EPHB2: variants seen among roughly 807,000 people sequenced by gnomAD.
EPHB2 encodes the protein EPH receptor B2.
A neutral mutation model predicts 96.4 loss-of-function variants in EPHB2; 18 were observed. The observed-to-expected ratio is 0.19, with a 90% confidence interval of 0.13 to 0.28. The LOEUF (loss-of-function observed/expected upper bound fraction) is 0.28, where lower values mean the gene tolerates loss of function less well. EPHB2 is among the 10% of genes least tolerant of loss of function. The pLI, the probability that EPHB2 is intolerant of heterozygous loss-of-function variation, is 1.00. For missense variants in EPHB2, 989 were observed against 1,355.4 expected (o/e 0.73, Z 4.25); for synonymous variants, 506 against 534.1 (o/e 0.95, Z 0.72).
chr1:22,810,807 C>T (rs1324102759), intron 3 of EPHB2, among the ~76,000 whole-genome samples: 1 of 152,128 alleles, frequency 6.6e-6, no homozygotes, highest in African/African-American at 2.4e-5. Context: ...TCACCTGGTC[C>T]CTGTCATCCC....
At chr1:22,796,644 G>A (rs1414385354) in intron 3 of EPHB2, among the ~76,000 whole-genome samples, 1 of 152,238 alleles carries the variant, frequency 6.6e-6, no homozygotes, top group African/African-American at 2.4e-5. Context: ...GAAGTTAGAT[G>A]AAATGACTTG....
chr1:22,832,261 G>A (rs969136116), intron 3 of EPHB2, among the ~76,000 whole-genome samples: 1 of 152,170 alleles, frequency 6.6e-6, no homozygotes, highest in Non-Finnish European at 1.5e-5. Context: ...ACTTCTCTGA[G>A]CTGTGGGTTC....
chr1:22,843,267 T>C (rs1350803082), intron 3 of EPHB2, among the ~76,000 whole-genome samples: 1 of 152,190 alleles, frequency 6.6e-6, no homozygotes, highest in Non-Finnish European at 1.5e-5. Flanking sequence ...CAAGCAACTT[T>C]CCCAAGACCA....
At chr1:22,854,581 T>C (rs1645672779) in intron 3 of EPHB2, among the ~76,000 whole-genome samples, 1 of 152,198 alleles carries the variant, frequency 6.6e-6, no homozygotes, top group African/African-American at 2.4e-5. Flanking sequence ...CTCTATGTGA[T>C]TTGGACAGAG....
At position 22,906,080 on chromosome 1, in the gene EPHB2, G is replaced by A; in HGVS notation, c.1859G>A (p.Cys620Tyr). 1 of 1,614,208 alleles carries A rather than the reference G, an allele frequency of 6.2e-7. No individual in the cohort carries two copies. Among genetic ancestry groups the A allele is most frequent in the Non-Finnish European group, 8.5e-7 (1 of 1,180,048 alleles). Reference sequence around the variant, plus strand: ...TTTGCCAAGGAAATTGACATCTCCTGTGTCAAAATTGAGCAGGTGATCGGA... The same window carrying A: ...TTTGCCAAGGAAATTGACATCTCCTATGTCAAAATTGAGCAGGTGATCGGA... ...REFAKEIDIS[C>Y]VKIEQVIGAG... The change falls in exon 10 of 16, where the codon TGT becomes TAT. Residue 620 changes from cysteine to tyrosine, a missense_variant. Transcript: ENST00000374630. The surrounding 1 kb of genome is among the most constrained non-coding windows in gnomAD (Gnocchi z 4.8).
At chr1:22,746,055 G>A (rs928448577) in intron 1 of EPHB2, among the ~76,000 whole-genome samples, 16 of 152,190 alleles carry the variant, frequency 1.1e-4, no homozygotes, top group African/African-American at 3.1e-4. Context: ...TGCTCTGATC[G>A]AAATCTGGTA....
chr1:22,785,145 G>T, intron 3 of EPHB2, 69 bp downstream of exon 3: 1 of 1,582,696 alleles, frequency 6.3e-7, no homozygotes, highest in Non-Finnish European at 8.6e-7. Flanking sequence ...GACTCGGGCT[G>T]CAGACTTGGG....
chr1:22,912,810 T>G, intron 15 of EPHB2: 1 of 651,720 alleles, frequency 1.5e-6, no homozygotes. Flanking sequence ...GGTCAAATCA[T>G]AGCACCTCCC....
intron 3 of EPHB2, among the ~76,000 whole-genome samples, chr1:22,822,689 C>T (rs937217295): frequency 4.6e-5 from 7 of 152,226 alleles, no homozygotes; most frequent in Non-Finnish European, 8.8e-5. Context: ...CCAAAGGGAC[C>T]AGTCCTGGGT....
At chr1:22,801,566 C>G (rs1473112100) in intron 3 of EPHB2, among the ~76,000 whole-genome samples, 4 of 152,040 alleles carry the variant, frequency 2.6e-5, no homozygotes, top group Non-Finnish European at 4.4e-5. Flanking sequence ...AACGCTTCCT[C>G]CAGCAAGCAG....
intron 3 of EPHB2, among the ~76,000 whole-genome samples, chr1:22,797,984 C>T (rs986278835): frequency 1.3e-5 from 2 of 152,200 alleles, no homozygotes; most frequent in Non-Finnish European, 2.9e-5. Flanking sequence ...AGCCTGTCCC[C>T]TTCCCTAATC....
Position 22,747,542 on chromosome 1 carries a change from GA to G in EPHB2, c.62-33878del, listed in dbSNP as rs1021165146. ...AGCCCTTGCACAGCCACAGGCAAGGGAGGGGGGCTCTGAGATGACTCACCCA... is the reference window on the plus strand; with the variant it reads ...AGCCCTTGCACAGCCACAGGCAAGGGGGGGGGCTCTGAGATGACTCACCCA... On this transcript the variant is annotated intron_variant, in intron 1 of 15. Coordinates refer to ENST00000374630, the MANE Select transcript of EPHB2 (RefSeq NM_017449.5). Among the ~76,000 whole-genome samples the G allele has an allele frequency of 9.9e-4, 151 of 152,342 alleles. 1 individual carries two copies. Among genetic ancestry groups the G allele is most frequent in the African/African-American group, 3.4e-3 (140 of 41,582 alleles).
chr1:22,878,419 A>T, intron 5 of EPHB2, among the ~76,000 whole-genome samples: 1 of 152,190 alleles, frequency 6.6e-6, no homozygotes, highest in East Asian at 1.9e-4. Flanking sequence ...GAAAAACAGT[A>T]TGCTTCCTCC....
intron 1 of EPHB2, among the ~76,000 whole-genome samples, chr1:22,748,049 C>G (rs564335635): frequency 6.6e-6 from 1 of 152,366 alleles, no homozygotes; most frequent in East Asian, 1.9e-4. Flanking sequence ...AGTTCACATC[C>G]TGGCTCAACT....
intron 1 of EPHB2, among the ~76,000 whole-genome samples, chr1:22,727,585 G>A (rs1372009382): frequency 6.6e-6 from 1 of 152,150 alleles, no homozygotes; most frequent in African/African-American, 2.4e-5. Flanking sequence ...GGGAAGCTGA[G>A]GCCCAGAAGG....
At chr1:22,813,495 C>T (rs1570324629) in intron 3 of EPHB2, among the ~76,000 whole-genome samples, 1 of 152,130 alleles carries the variant, frequency 6.6e-6, no homozygotes, top group Non-Finnish European at 1.5e-5. Flanking sequence ...GCACAAAGGG[C>T]CTGTGCCACA....
At chr1:22,864,842 G>A in intron 4 of EPHB2, 35 bp from the exon 5 acceptor site, 1 of 1,406,612 alleles carries the variant, frequency 7.1e-7, no homozygotes, top group Non-Finnish European at 9.8e-7. Context: ...TACCCCCTGA[G>A]CCCCCCACTG....
At chr1:22,786,619 G>T (rs1228866521) in intron 3 of EPHB2, among the ~76,000 whole-genome samples, 1 of 152,204 alleles carries the variant, frequency 6.6e-6, no homozygotes, top group East Asian at 1.9e-4. Flanking sequence ...GACAGATGGG[G>T]GTGCCAGAGA....
intron 3 of EPHB2, among the ~76,000 whole-genome samples, chr1:22,808,194 C>T (rs1029723978): frequency 6.6e-6 from 1 of 152,026 alleles, no homozygotes; most frequent in Non-Finnish European, 1.5e-5. Flanking sequence ...GCAGTTCAGG[C>T]AGGAGGGGTA....
Sources: gnomAD v4.1 joint callset for allele counts (sites outside exome capture counted in the v4.1 genomes callset) on GRCh38, gnomAD v4.1.1 for gene constraint, Gnocchi (gnomAD v3.1) non-coding constraint, MANE v1.5 for transcripts, NCBI Gene and HGNC (gene_info 2026-07-23, HGNC 2026-07-21) for gene names.